The following HAS2 variants were observed in gnomAD, a reference collection of about 807,000 sequenced individuals.
HAS2 encodes the protein HA synthase 2.
Under a neutral mutation model 51.6 loss-of-function variants are expected in HAS2, and 16 were observed. The ratio of observed to expected loss-of-function variants is 0.31; its 90% CI spans 0.21 to 0.47. HAS2 has a LOEUF of 0.47. Ranked by LOEUF, HAS2 falls within the 20% of genes least tolerant of loss-of-function variation. The probability of loss-of-function intolerance (pLI) is 1.00; values close to 1 mark genes in which losing one functional copy is unlikely to be tolerated. For missense variants in HAS2, 361 were observed against 662.6 expected, an observed-to-expected ratio of 0.54 and a Z score of 5.00; for synonymous variants, 228 against 235.5, an observed-to-expected ratio of 0.97 and a Z score of 0.29.
Position 121,614,897 on chromosome 8 carries a change from A to G in HAS2, c.871T>C (p.Leu291=). The G allele has an allele frequency of 6.2e-7, 1 of 1,614,230 alleles. No homozygotes were observed. The highest frequency in any genetic ancestry group is 8.5e-7 in the Non-Finnish European group (1 of 1,180,034). ...CAATCTTCCACAAACTCATGCAACA[A>G]GGAGTTTCTGTACATTCCCAGAGGT... is the stretch of plus-strand genomic sequence containing the variant. ...SGPLGMYRNS[L]LHEFVEDWYN... is the part of the protein sequence containing the mutation. The change falls in exon 4 of 4, where the codon TTG becomes CTG. Residue 291 remains leucine, a synonymous_variant. Coordinates refer to ENST00000303924, the MANE Select transcript of HAS2 (RefSeq NM_005328.3). This position sits in a 1 kb window ranked among gnomAD's most constrained non-coding sequence, Gnocchi z 7.2.
At chr8:121,619,507 A>C (rs755984915) in intron 2 of HAS2, among the ~76,000 whole-genome samples, 5 of 152,024 alleles carry the variant, frequency 3.3e-5, no homozygotes, top group Non-Finnish European at 7.4e-5. Flanking sequence ...TTGTCATTCC[A>C]TTTAGGTTCA....
At chr8:121,624,681 G>T (rs1024271585) in intron 2 of HAS2, among the ~76,000 whole-genome samples, 3 of 152,164 alleles carry the variant, frequency 2.0e-5, no homozygotes, top group African/African-American at 7.2e-5. Flanking sequence ...TTCTACCTAG[G>T]AAGTCCCTAA....
rs1406680182 is a variant in HAS2 at position 121,613,783 on chromosome 8, T to C, written c.*326A>G. 4 of 276,888 alleles carry C rather than the reference T, an allele frequency of 1.4e-5. No homozygotes were observed. Among genetic ancestry groups the C allele is most frequent in the African/African-American group, 6.6e-5 (3 of 45,658 alleles). 17.2% of individuals were successfully genotyped at this position (276,888 alleles called of 1,614,324 possible). The stretch of plus-strand genomic sequence containing the variant: ...ACTTTTCCTTGAGTTTCCAAAATCC[T>C]TTTCTTCCATGATAACCCACATAAA... On this transcript the variant is annotated 3_prime_UTR_variant, in exon 4 of 4. Coordinates refer to ENST00000303924, the MANE Select transcript of HAS2 (RefSeq NM_005328.3).
rs560621655 is a variant in HAS2, at chr8:121,614,057, C to T, written c.*52G>A. On this transcript the variant is annotated 3_prime_UTR_variant, in exon 4 of 4. Coordinates refer to ENST00000303924, the MANE Select transcript of HAS2 (RefSeq NM_005328.3). This position sits in a 1 kb window ranked among gnomAD's most constrained non-coding sequence, Gnocchi z 7.2. ...TCTGATGCCACAATACTGTACAGCC[C>T]CTAGAGGAACTAAGGTGTTGTGTGT... 2.9e-5 allele frequency: 46 copies of T among 1,612,580 alleles called. No individual in the cohort carries two copies. Among genetic ancestry groups the T allele is most frequent in the Non-Finnish European group, 3.7e-5 (44 of 1,179,858 alleles).
chr8:121,633,136 C>CTTT (rs71816016), intron 1 of HAS2, among the ~76,000 whole-genome samples: 5,280 of 127,956 alleles, frequency 0.041, 236 homozygotes, highest in Middle Eastern at 0.083. Flanking sequence ...GTTTCCCTAC[C>CTTT]TTTTTTTTTT....
intron 1 of HAS2, among the ~76,000 whole-genome samples, chr8:121,630,407 CATTTGTATTTCCCAAAGG>C (rs560842307): frequency 1.6e-3 from 242 of 152,244 alleles, no homozygotes; most frequent in African/African-American, 5.5e-3. Context: ...TTTCCCAAAA[CATTTGTATTTCCCAAAGG>C]ATTTGTATTT....
At chr8:121,618,793 G>A (rs955819711) in intron 2 of HAS2, among the ~76,000 whole-genome samples, 2 of 152,074 alleles carry the variant, frequency 1.3e-5, no homozygotes, top group African/African-American at 4.8e-5. Flanking sequence ...CTGCCATCAA[G>A]TCAGACTGTA....
At chr8:121,635,234 C>A (rs1270432793) in intron 1 of HAS2, among the ~76,000 whole-genome samples, 1 of 152,156 alleles carries the variant, frequency 6.6e-6, no homozygotes, top group Non-Finnish European at 1.5e-5. Context: ...CTTTTAGTGG[C>A]TGGATGACCT....
In HAS2 at chr8:121,641,174, T is replaced by A. The variant is rs1252049870; in HGVS notation, c.-322A>T. On this transcript the variant is annotated 5_prime_UTR_variant, in exon 1 of 4. Coordinates refer to ENST00000303924, the MANE Select transcript of HAS2 (RefSeq NM_005328.3). The stretch of plus-strand genomic sequence containing the variant: ...TTTTCTTTTCTTTTTTTTTTTTTTT[T>A]TTTTTTGGGCTTCAGTCTTTCTGCC... 1.6e-5 allele frequency: 2 copies of A among 124,022 alleles called. No individual in the cohort carries two copies. Among genetic ancestry groups the A allele is most frequent in the African/African-American group, 6.1e-5 (2 of 32,822 alleles). 7.7% of individuals were successfully genotyped at this position (124,022 alleles called of 1,614,324 possible).
Position 121,614,889 on chromosome 8 carries a change from A to T in HAS2, c.879T>A (p.His293Gln). The T allele has an allele frequency of 6.2e-7, 1 of 1,614,184 alleles. No individual in the cohort carries two copies. Among genetic ancestry groups the T allele is most frequent in the Middle Eastern group, 1.6e-4 (1 of 6,062 alleles). ...PLGMYRNSLL[H>Q]EFVEDWYNQE... ...GATTGTACCAATCTTCCACAAACTC[A>T]TGCAACAAGGAGTTTCTGTACATTC... The change falls in exon 4 of 4, where the codon CAT becomes CAA. Residue 293 changes from histidine to glutamine, a missense_variant. Transcript: ENST00000303924. This position sits in a 1 kb window ranked among gnomAD's most constrained non-coding sequence, Gnocchi z 7.2.
At chr8:121,619,608 G>A (rs1812748985) in intron 2 of HAS2, among the ~76,000 whole-genome samples, 1 of 152,042 alleles carries the variant, frequency 6.6e-6, no homozygotes, top group African/African-American at 2.4e-5. Flanking sequence ...ACTGACACCT[G>A]GGTCTGTATC....
rs1812777161 is a variant in HAS2, at chr8:121,621,818, A to C, written c.628-4612T>G. Among the ~76,000 whole-genome samples the C allele has an allele frequency of 2.0e-5, 3 of 152,216 alleles. No homozygotes were observed. The South Asian group carries it at 6.2e-4, about 32-fold the overall frequency. ...TCCAAGTCTAAAATGCCAAATCTCC[A>C]TGTTTTACTTTTAATGTCTTTTTTT... On this transcript the variant is annotated intron_variant, in intron 2 of 3. Coordinates refer to ENST00000303924, the MANE Select transcript of HAS2 (RefSeq NM_005328.3).
rs116044474 is a variant in HAS2, at chr8:121,635,772, G to A, written c.-1+5081C>T. On this transcript the variant is annotated intron_variant, in intron 1 of 3. Coordinates refer to ENST00000303924, the MANE Select transcript of HAS2 (RefSeq NM_005328.3). ...AAAGATGATGAGACATTTAAAGAAT[G>A]TTTATCTAATGAAGGCGTGAACTGG... Among the ~76,000 whole-genome samples, 633 of 152,336 alleles carry A rather than the reference G, an allele frequency of 4.2e-3. 4 individuals carry two copies. The highest frequency in any genetic ancestry group is 0.014 in the African/African-American group (597 of 41,582).
intron 3 of HAS2, 57 bp from the exon 4 acceptor site, chr8:121,615,095 C>G: frequency 8.4e-7 from 1 of 1,194,924 alleles, no homozygotes; most frequent in Admixed American, 2.2e-5. Flanking sequence ...TCCAGCAAAA[C>G]CTGTTCCATC....
At chr8:121,631,071 C>CT (rs1191155824) in intron 1 of HAS2, among the ~76,000 whole-genome samples, 1 of 152,132 alleles carries the variant, frequency 6.6e-6, no homozygotes, top group Non-Finnish European at 1.5e-5. Flanking sequence ...AATATACCTC[C>CT]TCTCATCTCT....
intron 1 of HAS2, among the ~76,000 whole-genome samples, chr8:121,638,727 A>G (rs1010603254): frequency 2.6e-5 from 4 of 152,224 alleles, no homozygotes; most frequent in Non-Finnish European, 4.4e-5. Context: ...GTGGAGTATG[A>G]TGGGTACTCA....
At chr8:121,620,044 T>C (rs931199650) in intron 2 of HAS2, among the ~76,000 whole-genome samples, 2 of 152,176 alleles carry the variant, frequency 1.3e-5, no homozygotes, top group East Asian at 3.9e-4. Flanking sequence ...GTGCCAGAAG[T>C]TCTCTGAGAG....
intron 2 of HAS2, 35 bp downstream of exon 2, chr8:121,628,679 T>C (rs553044192): frequency 1.3e-6 from 2 of 1,592,460 alleles, no homozygotes; most frequent in South Asian, 1.1e-5. Context: ...TTTATTTAAA[T>C]GTATGTTTGC....
chr8:121,614,559 A>C lies in HAS2; in HGVS notation c.1209T>G (p.Ile403Met). Residue 403 changes from isoleucine (I) to methionine (M), a missense_variant, in exon 4 of 4, where the codon ATT (isoleucine) becomes ATG (methionine). Ile to Met is a conservative substitution (Grantham distance 10, BLOSUM62 1). Around this residue, in one of 5 missense-constraint regions of HAS2, gnomAD observed 106 missense variants for 241.0 expected, o/e 0.44. Coordinates refer to ENST00000303924, the MANE Select transcript of HAS2 (RefSeq NM_005328.3). The surrounding 1 kb of genome is among the most constrained non-coding windows in gnomAD (Gnocchi z 7.2). ...TVIQLFYRGK[I>M]WNILLFLLTV... is the part of the protein sequence containing the mutation. ...TTAACAAGAAGAGGAGAATGTTCCA[A>C]ATTTTACCCCGGTAGAAGAGCTGGA... The C allele has an allele frequency of 6.2e-7, 1 of 1,614,138 alleles. No homozygotes were observed. Among genetic ancestry groups the C allele is most frequent in the Non-Finnish European group, 8.5e-7 (1 of 1,179,992 alleles).
Sources: gnomAD v4.1 joint callset for allele counts (sites outside exome capture counted in the v4.1 genomes callset) on GRCh38, gnomAD v4.1.1 for gene constraint, gnomAD v4.1.1 regional missense constraint, Gnocchi (gnomAD v3.1) non-coding constraint, MANE v1.5 for transcripts, NCBI Gene and HGNC (gene_info 2026-07-23, HGNC 2026-07-21) for gene names.